The following KCNN2 variants were observed in gnomAD, a reference collection of about 807,000 sequenced individuals.
KCNN2 encodes the protein small conductance calcium-activated potassium channel protein 2.
KCNN2 carries 24 observed loss-of-function variants against 55.5 expected under a neutral mutation model. That is an observed-to-expected ratio of 0.43 (90% CI 0.31 to 0.61). KCNN2 has a LOEUF of 0.61. KCNN2 is among the 20% of genes least tolerant of loss of function. The pLI, the probability that KCNN2 is intolerant of heterozygous loss-of-function variation, is 0.08. For missense variants in KCNN2, 754 were observed against 853.6 expected (o/e 0.88, Z 1.45); for synonymous variants, 431 against 336.1 (o/e 1.28, Z -3.09).
chr5:114,470,744 T>C (rs1761691589), intron 4 of KCNN2, among the ~76,000 whole-genome samples: 1 of 152,224 alleles, frequency 6.6e-6, no homozygotes. Context: ...AAATGACTCT[T>C]ATAAGAATTT....
chr5:114,349,763 C>G (rs13170487), intron 2 of KCNN2, among the ~76,000 whole-genome samples: 1 of 151,908 alleles, frequency 6.6e-6, no homozygotes, highest in Non-Finnish European at 1.5e-5. Context: ...CTCTTGAGTA[C>G]ATACCTAGAA....
At chr5:114,476,542 C>T (rs575385873) in intron 5 of KCNN2, among the ~76,000 whole-genome samples, 2 of 151,924 alleles carry the variant, frequency 1.3e-5, no homozygotes, top group African/African-American at 2.4e-5. Context: ...CCTCAGCCCC[C>T]CAAATAGCTG....
rs1491450392 is a variant in KCNN2, at chr5:114,241,763, C to CGTGT, written c.-185+20200_-185+20201insGTGT. ...ATACGTATATATATGTATATATATACGTATATATATACATATATACGTATA... is the reference window on the plus strand; with the variant it reads ...ATACGTATATATATGTATATATATACGTGTGTATATATATACATATATACGTATA... On this transcript the variant is annotated intron_variant, in intron 2 of 10. Transcript: ENST00000512097. Among the ~76,000 whole-genome samples the CGTGT allele has an allele frequency of 1.3e-3, 6 of 4,696 alleles. 1 individual carries two copies. The highest frequency in any genetic ancestry group is 4.4e-3 in the Admixed American group (2 of 456). 3.1% of individuals were successfully genotyped at this position (4,696 alleles called of 152,430 possible).
chr5:114,202,510 TATATA>T (rs1753691794), intron 1 of KCNN2, among the ~76,000 whole-genome samples: 1 of 148,280 alleles, frequency 6.7e-6, no homozygotes, highest in Admixed American at 6.7e-5. Context: ...TATATATATA[TATATA>T]TAGCCTAATG....
At chr5:114,153,616 C>T (rs952011072) in intron 1 of KCNN2, among the ~76,000 whole-genome samples, 4 of 152,192 alleles carry the variant, frequency 2.6e-5, no homozygotes, top group African/African-American at 9.7e-5. Flanking sequence ...CTGGTGCAGA[C>T]AGGAGAAGCT....
chr5:114,133,255 A>G (rs1752106460), intron 1 of KCNN2, among the ~76,000 whole-genome samples: 1 of 152,098 alleles, frequency 6.6e-6, no homozygotes, highest in African/African-American at 2.4e-5. Flanking sequence ...TAGAAGTATA[A>G]TATACACTAG....
intron 1 of KCNN2, among the ~76,000 whole-genome samples, chr5:114,207,602 C>G (rs776001691): frequency 3.3e-5 from 5 of 152,098 alleles, no homozygotes; most frequent in Non-Finnish European, 7.3e-5. Flanking sequence ...TCCATTCTCC[C>G]TTTTAAATCA....
At chr5:114,212,275 A>G (rs1414176955) in intron 1 of KCNN2, among the ~76,000 whole-genome samples, 1 of 152,096 alleles carries the variant, frequency 6.6e-6, no homozygotes, top group Non-Finnish European at 1.5e-5. Flanking sequence ...CATTGTGTTA[A>G]GTGAAAGCAC....
chr5:114,402,388 A>G (rs1246831391), intron 2 of KCNN2, among the ~76,000 whole-genome samples: 2 of 152,190 alleles, frequency 1.3e-5, no homozygotes, highest in Non-Finnish European at 2.9e-5. Flanking sequence ...TAGAGTAGGC[A>G]TGGAGCCAGC....
At position 114,232,922 on chromosome 5, in the gene KCNN2, C is replaced by CTCGTTTTTTTTTT. The variant is rs200715120; in HGVS notation, c.-185+11358_-185+11359insCGTTTTTTTTTTT. On this transcript the variant is annotated intron_variant, in intron 2 of 10. Transcript: ENST00000512097. Reference sequence around the variant, plus strand: ...TCAGAGGTAATTTTTTATATTGTTTCTTGTTTTTTTTTTTTTGAGACGGAG... The same window carrying CTCGTTTTTTTTTT: ...TCAGAGGTAATTTTTTATATTGTTTCTCGTTTTTTTTTTTTGTTTTTTTTTTTTTGAGACGGAG... Among the ~76,000 whole-genome samples, 122 of 44,008 alleles carry CTCGTTTTTTTTTT rather than the reference C, an allele frequency of 2.8e-3. 4 individuals are homozygous for CTCGTTTTTTTTTT. The highest frequency in any genetic ancestry group is 5.4e-3 in the South Asian group (7 of 1,296). 28.9% of individuals were successfully genotyped at this position (44,008 alleles called of 152,430 possible).
intron 1 of KCNN2, among the ~76,000 whole-genome samples, chr5:114,171,172 T>C (rs1235134730): frequency 6.6e-6 from 1 of 151,996 alleles, no homozygotes; most frequent in African/African-American, 2.4e-5. Context: ...TGTCTAAAAG[T>C]ACCAAAGTAA....
chr5:114,472,936 G>GAAGACAATGTTTT lies in KCNN2; in HGVS notation c.1780-117_1780-105dup. 5 of 570,602 alleles carry GAAGACAATGTTTT rather than the reference G, an allele frequency of 8.8e-6. No individual in the cohort carries two copies. In the South Asian group the frequency reaches 1.1e-4, roughly 13 times the overall value. 35.3% of individuals were successfully genotyped at this position (570,602 alleles called of 1,614,324 possible). A position where few individuals can be genotyped will look rare whatever the true frequency, so the allele number is the denominator to read the frequency against. ...TCACACATTTTCTGTAATACTTATT[G>GAAGACAATGTTTT]AAGACAATGTTTTTAATCCTGAGAA... On this transcript the variant is annotated intron_variant, in intron 4 of 7. Transcript: ENST00000673685.
At chr5:114,363,434 G>C (rs931969764) in intron 1 of KCNN2, among the ~76,000 whole-genome samples, 173 bp downstream of exon 1, 2 of 152,208 alleles carry the variant, frequency 1.3e-5, no homozygotes, top group African/African-American at 2.4e-5. Flanking sequence ...TAAACAACTC[G>C]GAGATGAACC....
intron 2 of KCNN2, among the ~76,000 whole-genome samples, chr5:114,356,142 T>C (rs1446744266): frequency 1.3e-5 from 2 of 152,080 alleles, no homozygotes; most frequent in Non-Finnish European, 2.9e-5. Flanking sequence ...ATTCAGAAGA[T>C]TGTATTTGAA....
chr5:114,221,014 T>G (rs920568289), intron 1 of KCNN2, among the ~76,000 whole-genome samples: 1 of 152,192 alleles, frequency 6.6e-6, no homozygotes, highest in Admixed American at 6.5e-5. Flanking sequence ...GTGACCCAAG[T>G]AGTAAATATG....
At chr5:114,226,375 C>T (rs1317588515) in intron 2 of KCNN2, among the ~76,000 whole-genome samples, 1 of 152,132 alleles carries the variant, frequency 6.6e-6, no homozygotes, top group Non-Finnish European at 1.5e-5. Context: ...ACCTTCACAA[C>T]ATTTGATATA....
intron 2 of KCNN2, among the ~76,000 whole-genome samples, chr5:114,352,704 T>G (rs1272858139): frequency 6.6e-6 from 1 of 151,902 alleles, no homozygotes; most frequent in Non-Finnish European, 1.5e-5. Flanking sequence ...GTGTGCTGTT[T>G]AATATTTACG....
At chr5:114,124,314 C>T (rs1751885261) in intron 1 of KCNN2, among the ~76,000 whole-genome samples, 1 of 152,148 alleles carries the variant, frequency 6.6e-6, no homozygotes, top group Admixed American at 6.5e-5. Context: ...ACATTTGTTA[C>T]TTTTCTTCAG....
Position 114,487,042 on chromosome 5 carries a change from C to G in KCNN2, c.1891-8C>G. ...ATTTATCAACTGCTTTGTTTGTTCT[C>G]TTAACAGGTAAAAAATGCAGCTGCC... On this transcript the variant is annotated splice_polypyrimidine_tract_variant and splice_region_variant and intron_variant, in intron 5 of 7. Coordinates refer to ENST00000673685, the MANE Select transcript of KCNN2 (RefSeq NM_021614.4). 6.2e-7 allele frequency: 1 copy of G among 1,612,654 alleles called. No homozygotes were observed.
Sources: allele counts gnomAD v4.1 joint callset (sites outside exome capture counted in the v4.1 genomes callset), GRCh38; gene constraint gnomAD v4.1.1; transcripts MANE v1.5; gene names NCBI Gene and HGNC (gene_info 2026-07-23, HGNC 2026-07-21).